Variants in CTNNA3 observed in about 807,000 individuals in gnomAD.
The protein encoded by CTNNA3 is catenin alpha 3, also known as catenin alpha-3.
In CTNNA3, 76 loss-of-function variants were observed where a neutral mutation model predicts 95.7. The ratio of observed to expected loss-of-function variants is 0.79; its 90% CI spans 0.66 to 0.96. CTNNA3 has a LOEUF of 0.96. Ranked by LOEUF, CTNNA3 falls within the 40% of genes least tolerant of loss-of-function variation. The probability of loss-of-function intolerance (pLI) is 0.00; values close to 1 mark genes in which losing one functional copy is unlikely to be tolerated. For synonymous variants in CTNNA3, 431 were observed against 374.4 expected, an observed-to-expected ratio of 1.15 and a Z score of -1.74; for missense variants, 1,191 against 1,089.8, an observed-to-expected ratio of 1.09 and a Z score of -1.31.
chr10:66,755,507 T>A (rs535206060), intron 9 of CTNNA3, among the ~76,000 whole-genome samples: 2 of 152,212 alleles, frequency 1.3e-5, no homozygotes, highest in South Asian at 4.1e-4. Context: ...AAATGCAAGT[T>A]GAAGCATTAT....
intron 4 of CTNNA3, among the ~76,000 whole-genome samples, chr10:67,526,189 A>G (rs773194274): frequency 6.6e-6 from 1 of 152,234 alleles, no homozygotes; most frequent in Non-Finnish European, 1.5e-5. Flanking sequence ...AGAGCAATCA[A>G]AAATAAAGTA....
chr10:66,192,659 A>C (rs1589689560), intron 13 of CTNNA3, among the ~76,000 whole-genome samples: 1 of 151,594 alleles, frequency 6.6e-6, no homozygotes, highest in African/African-American at 2.4e-5. Context: ...TGTGCTTTAA[A>C]CTCCAGCCAA....
intron 7 of CTNNA3, among the ~76,000 whole-genome samples, chr10:66,960,278 TCTC>T (rs1220248078): frequency 1.3e-5 from 2 of 152,108 alleles, no homozygotes; most frequent in Admixed American, 6.6e-5. Context: ...TGATCACAAA[TCTC>T]CTACAAAAAT....
chr10:66,818,906 A>G (rs1842195452), intron 7 of CTNNA3, among the ~76,000 whole-genome samples: 1 of 152,126 alleles, frequency 6.6e-6, no homozygotes, highest in Admixed American at 6.6e-5. Context: ...CCTGGCCAAC[A>G]TGGCGAAACC....
At chr10:66,129,647 G>A (rs983941547) in intron 13 of CTNNA3, among the ~76,000 whole-genome samples, 15 of 152,174 alleles carry the variant, frequency 9.9e-5, no homozygotes, top group East Asian at 5.8e-4. Context: ...CAGCCTGGCC[G>A]TGCCTGCTTG....
chr10:67,540,416 A>C (rs1008058334), intron 3 of CTNNA3, among the ~76,000 whole-genome samples: 1 of 151,998 alleles, frequency 6.6e-6, no homozygotes, highest in Non-Finnish European at 1.5e-5. Flanking sequence ...AAAGTACTAT[A>C]ATACGTGTCC....
intron 3 of CTNNA3, among the ~76,000 whole-genome samples, chr10:67,591,089 A>G (rs1341716147): frequency 6.6e-6 from 1 of 152,112 alleles, no homozygotes; most frequent in Non-Finnish European, 1.5e-5. Flanking sequence ...TGAGAAGCCA[A>G]GTGGTAGAGA....
At chr10:67,632,676 C>A (rs556982523) in intron 2 of CTNNA3, among the ~76,000 whole-genome samples, 1 of 152,094 alleles carries the variant, frequency 6.6e-6, no homozygotes, top group African/African-American at 2.4e-5. Context: ...CTTTGTAATC[C>A]GTGGATCAGG....
chr10:66,395,909 G>C (rs1366475338), intron 11 of CTNNA3, among the ~76,000 whole-genome samples: 1 of 151,876 alleles, frequency 6.6e-6, no homozygotes, highest in Admixed American at 6.6e-5. Context: ...TACCCAATAG[G>C]TAATTTTTCA....
Position 67,393,677 on chromosome 10 carries a change from A to C in CTNNA3, c.579+128165T>G, listed in dbSNP as rs561215734. Among the ~76,000 whole-genome samples, 6 of 152,294 alleles carry C rather than the reference A, an allele frequency of 3.9e-5. No homozygotes were observed. The South Asian group carries it at 1.0e-3, about 26-fold the overall frequency. ...GCTTCTATCAAGTGATAATGCAATA[A>C]TGATTGCATTGAACTAGACATTGAG... On this transcript the variant is annotated intron_variant, in intron 5 of 17. Coordinates refer to ENST00000433211, the MANE Select transcript of CTNNA3 (RefSeq NM_013266.4).
At chr10:66,137,077 C>T (rs1157917001) in intron 13 of CTNNA3, among the ~76,000 whole-genome samples, 2 of 152,062 alleles carry the variant, frequency 1.3e-5, no homozygotes, top group African/African-American at 4.8e-5. Context: ...CCACCTCAGC[C>T]TCCCAAAGTG....
At chr10:67,352,656 T>A (rs761864207) in intron 5 of CTNNA3, among the ~76,000 whole-genome samples, 5 of 151,932 alleles carry the variant, frequency 3.3e-5, no homozygotes, top group Non-Finnish European at 5.9e-5. Context: ...AACACATAAT[T>A]CCAATTCACT....
intron 13 of CTNNA3, among the ~76,000 whole-genome samples, chr10:66,211,305 C>A (rs1271798368): frequency 3.3e-5 from 5 of 152,160 alleles, no homozygotes; most frequent in African/African-American, 1.2e-4. Flanking sequence ...TAATGTTACA[C>A]TTCAACCTTT....
chr10:67,087,709 G>C (rs56391741), intron 7 of CTNNA3, among the ~76,000 whole-genome samples: 1,767 of 151,890 alleles, frequency 0.012, 29 homozygotes, highest in African/African-American at 0.04. Context: ...TGTCATAATG[G>C]CCTGGATCCT....
At chr10:67,052,328 C>G (rs982326020) in intron 7 of CTNNA3, among the ~76,000 whole-genome samples, 1 of 151,280 alleles carries the variant, frequency 6.6e-6, no homozygotes, top group East Asian at 1.9e-4. Flanking sequence ...CTCTCTCTCT[C>G]TCTCTCTCTC....
chr10:66,416,947 A>G (rs945217061), intron 11 of CTNNA3, among the ~76,000 whole-genome samples: 7 of 152,100 alleles, frequency 4.6e-5, no homozygotes, highest in African/African-American at 1.7e-4. Flanking sequence ...ACCAACTGCA[A>G]TGACAGACAT....
At chr10:67,569,609 T>C (rs1589437929) in intron 3 of CTNNA3, among the ~76,000 whole-genome samples, 3 of 152,260 alleles carry the variant, frequency 2.0e-5, no homozygotes, top group Admixed American at 2.0e-4. Flanking sequence ...CACCACAGCG[T>C]AGCCATTTCA....
chr10:66,155,130 C>T (rs2084423513), intron 13 of CTNNA3, among the ~76,000 whole-genome samples: 1 of 151,720 alleles, frequency 6.6e-6, no homozygotes, highest in Non-Finnish European at 1.5e-5. Context: ...TTCCAATTTG[C>T]CATTGAACTT....
chr10:66,865,527 T>A (rs1200997511), intron 7 of CTNNA3, among the ~76,000 whole-genome samples: 1 of 152,120 alleles, frequency 6.6e-6, no homozygotes, highest in Non-Finnish European at 1.5e-5. Context: ...AATTAGCCAC[T>A]TTATGCATAT....
Sources: gnomAD v4.1 joint callset for allele counts (sites outside exome capture counted in the v4.1 genomes callset) on GRCh38, gnomAD v4.1.1 for gene constraint, MANE v1.5 for transcripts, NCBI Gene and HGNC (gene_info 2026-07-23, HGNC 2026-07-21) for gene names.